AKAP7: variants seen among roughly 807,000 people sequenced by gnomAD.
AKAP7 encodes the protein A-kinase anchoring protein 7, also known as A kinase (PRKA) anchor protein 7.
In AKAP7, 39 loss-of-function variants were observed where a neutral mutation model predicts 39.5. The observed-to-expected ratio is 0.99, with a 90% CI of 0.76 to 1.29. The LOEUF (loss-of-function observed/expected upper bound fraction) is 1.29, where lower values mean the gene tolerates loss of function less well. AKAP7 is among the 50% of genes most tolerant of loss of function. The pLI is 0.00. For missense variants in AKAP7, 414 were observed against 407.7 expected (o/e 1.02, Z -0.13); for synonymous variants, 140 against 139.1 (o/e 1.01, Z -0.05).
At chr6:131,195,109 C>T (rs1190793) in intron 5 of AKAP7, among the ~76,000 whole-genome samples, 129,472 of 152,076 alleles carry the variant, frequency 0.85, 55,397 homozygotes, top group Middle Eastern at 0.93. Context: ...TGGTCCTCTC[C>T]TCCTCCTTTC....
Position 131,281,759 on chromosome 6 carries a change from A to C in AKAP7, c.*33A>C. 1 of 1,546,472 alleles carries C rather than the reference A, an allele frequency of 6.5e-7. No individual in the cohort carries two copies. Among genetic ancestry groups the C allele is most frequent in the Non-Finnish European group, 8.7e-7 (1 of 1,147,446 alleles). On this transcript the variant is annotated 3_prime_UTR_variant, in exon 8 of 8. Transcript: ENST00000431975. The surrounding 1 kb of genome is among the most constrained non-coding windows in gnomAD (Gnocchi z 4.0). ...ACGCAGGCCCCCATGTCTCTGTGCA[A>C]AGCCTCCCTGCTTCCCTCTGCTGAG...
chr6:131,199,860 G>A (rs1273482701), intron 6 of AKAP7: 3 of 365,676 alleles, frequency 8.2e-6, no homozygotes, highest in African/African-American at 6.5e-5. Context: ...GAGCCTCGAG[G>A]TGGTGCCAGA....
At chr6:131,142,661 C>A (rs1312222315) in intron 1 of AKAP7, among the ~76,000 whole-genome samples, 2 of 152,220 alleles carry the variant, frequency 1.3e-5, no homozygotes, top group Non-Finnish European at 2.9e-5. Flanking sequence ...GGAGCCCCCA[C>A]CCAGAGTCTC....
intron 7 of AKAP7, among the ~76,000 whole-genome samples, chr6:131,279,111 G>A (rs1814990184): frequency 6.6e-6 from 1 of 152,124 alleles, no homozygotes. Context: ...CATTGAAGAC[G>A]GGAGAAATCA....
chr6:131,182,041 G>A (rs926342530), intron 5 of AKAP7, among the ~76,000 whole-genome samples: 1 of 151,904 alleles, frequency 6.6e-6, no homozygotes, highest in Admixed American at 6.6e-5. Flanking sequence ...CAGGGGAATC[G>A]CATGAACCCA....
At chr6:131,204,555 G>A (rs573156552) in intron 6 of AKAP7, among the ~76,000 whole-genome samples, 18 of 152,220 alleles carry the variant, frequency 1.2e-4, no homozygotes, top group African/African-American at 3.6e-4. Flanking sequence ...TGATTTTTCC[G>A]GTAGATCAGT....
intron 6 of AKAP7, among the ~76,000 whole-genome samples, chr6:131,215,326 T>C (rs762512585): frequency 2.6e-5 from 4 of 152,204 alleles, no homozygotes; most frequent in Non-Finnish European, 4.4e-5. Context: ...GAGGAGAAGA[T>C]GGGAAGGCCG....
intron 3 of AKAP7, among the ~76,000 whole-genome samples, chr6:131,164,114 G>T (rs991094388): frequency 2.6e-5 from 4 of 152,130 alleles, no homozygotes; most frequent in African/African-American, 9.7e-5. Context: ...AGAACAGTTT[G>T]CTATGCTCAT....
intron 2 of AKAP7, among the ~76,000 whole-genome samples, chr6:131,151,616 T>C (rs183426301): frequency 1.3e-5 from 2 of 151,592 alleles, no homozygotes; most frequent in Non-Finnish European, 2.9e-5. Context: ...TGTGGTGGCA[T>C]GTGCCTGTAA....
chr6:131,156,876 G>A (rs1030014488), intron 2 of AKAP7, among the ~76,000 whole-genome samples: 3 of 151,746 alleles, frequency 2.0e-5, no homozygotes, highest in South Asian at 2.1e-4. Context: ...CCGGGTTCAC[G>A]CCATTCTCCT....
At chr6:131,241,197 A>C (rs536803219) in intron 7 of AKAP7, among the ~76,000 whole-genome samples, 1 of 152,180 alleles carries the variant, frequency 6.6e-6, no homozygotes, top group African/African-American at 2.4e-5. Flanking sequence ...GGAGCAGGAA[A>C]CTGATCAGCA....
intron 2 of AKAP7, among the ~76,000 whole-genome samples, chr6:131,152,323 C>T (rs879043053): frequency 6.6e-6 from 1 of 152,146 alleles, no homozygotes; most frequent in Admixed American, 6.5e-5. Flanking sequence ...AATTGGTAAA[C>T]TAGATGATTA....
chr6:131,204,691 AGTG>A (rs1486745658), intron 6 of AKAP7, among the ~76,000 whole-genome samples: 2 of 152,156 alleles, frequency 1.3e-5, no homozygotes, highest in Non-Finnish European at 2.9e-5. Context: ...TGTAATAAGA[AGTG>A]GTGATGAGCA....
chr6:131,144,409 C>T (rs1324330435), intron 1 of AKAP7, among the ~76,000 whole-genome samples: 1 of 152,184 alleles, frequency 6.6e-6, no homozygotes, highest in African/African-American at 2.4e-5. Context: ...AATTAAAGGA[C>T]TTCTTAAACA....
chr6:131,227,756 A>G (rs953365318), intron 7 of AKAP7, among the ~76,000 whole-genome samples: 3 of 152,198 alleles, frequency 2.0e-5, no homozygotes, highest in African/African-American at 4.8e-5. Flanking sequence ...GAACAACGGG[A>G]TAGCCTGCTC....
chr6:131,255,359 T>C (rs1374739021), intron 7 of AKAP7, among the ~76,000 whole-genome samples: 1 of 152,140 alleles, frequency 6.6e-6, no homozygotes, highest in African/African-American at 2.4e-5. Flanking sequence ...TGATAGAATA[T>C]GGAATAACTG....
At chr6:131,201,290 A>T (rs577402457) in intron 6 of AKAP7, among the ~76,000 whole-genome samples, 2 of 152,310 alleles carry the variant, frequency 1.3e-5, no homozygotes, top group Admixed American at 1.3e-4. Flanking sequence ...GTAAATATGT[A>T]TTGAGTGCCT....
intron 5 of AKAP7, among the ~76,000 whole-genome samples, chr6:131,188,143 AC>A (rs1231075535): frequency 9.9e-5 from 15 of 152,226 alleles, no homozygotes; most frequent in African/African-American, 3.6e-4. Flanking sequence ...TCAGTTTTAC[AC>A]AGTAATCAAC....
chr6:131,258,339 G>A (rs985906191), intron 7 of AKAP7, among the ~76,000 whole-genome samples: 2 of 152,106 alleles, frequency 1.3e-5, no homozygotes, highest in Admixed American at 6.6e-5. Flanking sequence ...TGCCTTGAAC[G>A]TAAAAAGCCA....
Sources: gnomAD v4.1 joint callset for allele counts (sites outside exome capture counted in the v4.1 genomes callset) on GRCh38, gnomAD v4.1.1 for gene constraint, Gnocchi (gnomAD v3.1) non-coding constraint, MANE v1.5 for transcripts, NCBI Gene and HGNC (gene_info 2026-07-23, HGNC 2026-07-21) for gene names.